Variants in SPTBN4 observed in about 807,000 individuals in gnomAD.
SPTBN4 encodes spectrin beta chain, non-erythrocytic 4.
Under a neutral mutation model 277.8 loss-of-function variants are expected in SPTBN4, and 96 were observed. The observed-to-expected ratio is 0.35, with a 90% CI of 0.29 to 0.41. The LOEUF (loss-of-function observed/expected upper bound fraction) is 0.41. Among genes scored for constraint, SPTBN4 ranks in the 10% least tolerant of loss-of-function variants. The pLI is 1.00. For synonymous variants in SPTBN4, 1,481 were observed against 1,580.3 expected (o/e 0.94, Z 1.49); for missense variants, 3,006 against 3,595.7 (o/e 0.84, Z 4.19).
Position 40,556,020 on chromosome 19 carries a change from G to C in SPTBN4, c.5085-64G>C, listed in dbSNP as rs556273355. The C allele has an allele frequency of 1.3e-4, 183 of 1,455,736 alleles. No individual in the cohort carries two copies. In the African/African-American group the frequency reaches 2.0e-3, roughly 16 times the overall value. The allele number at this position is 1,455,736 out of a possible 1,614,324, so 90.2% of individuals were successfully genotyped here. A position where few individuals can be genotyped will look rare whatever the true frequency, so the allele number is the denominator to read the frequency against. ...GCCCTGTCCTGGGGAGGGGGTTTAG[G>C]GGGGTCACGCTCTGCCCCAGAAGTC... On this transcript the variant is annotated intron_variant, in intron 24 of 35. Transcript: ENST00000598249.
chr19:40,569,678 T>G lies in SPTBN4; in HGVS notation c.6978T>G (p.Ile2326Met). ...LVKGKATLAD[I>M]VEQLQEKEAG... ...CCAGGAAGGCCACCCTGGCTGACAT[T>G]GTGGAACAGCTGCAGGAGAAAGAGG... The change falls in exon 32 of 36, where the codon ATT becomes ATG. Residue 2326 changes from isoleucine (I) to methionine (M), a missense_variant. By Grantham distance (10) the Ile-to-Met change is conservative (BLOSUM62 1). This residue lies in a region of SPTBN4 where 630 missense variants were observed against 677.6 expected (regional missense o/e 0.93). Transcript: ENST00000598249. The G allele has an allele frequency of 6.2e-7, 1 of 1,612,770 alleles. No homozygotes were observed. The highest frequency in any genetic ancestry group is 8.5e-7 in the Non-Finnish European group (1 of 1,179,510).
intron 27 of SPTBN4, among the ~76,000 whole-genome samples, chr19:40,563,221 T>A (rs544607550): frequency 8.9e-4 from 131 of 147,434 alleles, no homozygotes; most frequent in Middle Eastern, 3.5e-3. Context: ...TAAAAAAAAA[T>A]TTTTTTTTTT....
At chr19:40,522,531 G>A (rs568097703) in intron 16 of SPTBN4, among the ~76,000 whole-genome samples, 1 of 147,414 alleles carries the variant, frequency 6.8e-6, no homozygotes, top group Admixed American at 6.9e-5. Context: ...ATTTGTATTT[G>A]TAGTAGAGAT....
chr19:40,467,315 TA>T lies in SPTBN4; in HGVS notation c.-16+11del, dbSNP rs1278024330. ...GCGGCCGCGGGCCCAGGTGAGCTGCTAGGGGGGCCGACAGCCCCTCCCCCAA... is the reference window on the plus strand; with the variant it reads ...GCGGCCGCGGGCCCAGGTGAGCTGCTGGGGGGCCGACAGCCCCTCCCCCAA... On this transcript the variant is annotated intron_variant, in intron 1 of 35. Coordinates refer to ENST00000598249, the MANE Select transcript of SPTBN4 (RefSeq NM_020971.3). 6.6e-6 allele frequency: 1 copy of T among 152,102 alleles called. No homozygotes were observed. Among genetic ancestry groups the T allele is most frequent in the Non-Finnish European group, 1.5e-5 (1 of 67,972 alleles). 9.4% of individuals were successfully genotyped at this position (152,102 alleles called of 1,614,324 possible).
chr19:40,500,460 A>G (rs2080251593), intron 7 of SPTBN4, among the ~76,000 whole-genome samples: 5 of 152,338 alleles, frequency 3.3e-5, no homozygotes, highest in Admixed American at 3.3e-4. Flanking sequence ...TTTGCAAGCT[A>G]ACTAAATTTT....
At chr19:40,478,295 GGGAAATGTAGAAATCCCCTTTAA>G (rs1398351205) in intron 2 of SPTBN4, among the ~76,000 whole-genome samples, 5 of 151,918 alleles carry the variant, frequency 3.3e-5, no homozygotes, top group Admixed American at 2.6e-4. Flanking sequence ...ATCTTGCCCA[GGGAAATGTAGAAATCCCCTTTAA>G]GATAAAAAAA....
intron 2 of SPTBN4, among the ~76,000 whole-genome samples, chr19:40,481,561 C>T (rs1467372078): frequency 3.9e-5 from 6 of 152,110 alleles, no homozygotes; most frequent in African/African-American, 1.4e-4. Flanking sequence ...CTGCAACCCC[C>T]GCCTCCTGAG....
Position 40,554,180 on chromosome 19 carries a change from C to A in SPTBN4, c.4708C>A (p.Arg1570Ser), listed in dbSNP as rs2080949448. ...GCGGGAGATCCAGGCGCATGGGCCG[C>A]GCCTGGAGGAGGTGCTGGAGCGCGC... ...LRREIQAHGP[R>S]LEEVLERAGA... is the part of the protein sequence containing the mutation. Residue 1570 changes from arginine to serine, a missense_variant, in exon 23 of 36, where the codon CGC becomes AGC. Arg to Ser is a moderately radical substitution (Grantham distance 110). Coordinates refer to ENST00000598249, the MANE Select transcript of SPTBN4 (RefSeq NM_020971.3). The surrounding 1 kb of genome is among the most constrained non-coding windows in gnomAD (Gnocchi z 5.7). 1 of 1,456,094 alleles carries A rather than the reference C, an allele frequency of 6.9e-7. No individual in the cohort carries two copies. Among genetic ancestry groups the A allele is most frequent in the Non-Finnish European group, 8.9e-7 (1 of 1,118,978 alleles). 90.2% of individuals were successfully genotyped at this position (1,456,094 alleles called of 1,614,324 possible).
intron 2 of SPTBN4, 58 bp downstream of exon 2, chr19:40,472,848 G>T: frequency 6.9e-7 from 1 of 1,441,992 alleles, no homozygotes; most frequent in Non-Finnish European, 9.3e-7. Context: ...AAGGGTGCCC[G>T]AGAACCTTGG....
chr19:40,507,958 T>C (rs2080348674), intron 13 of SPTBN4, among the ~76,000 whole-genome samples: 1 of 152,238 alleles, frequency 6.6e-6, no homozygotes. Flanking sequence ...GCCCCAGGTA[T>C]ACAGCCTAAC....
At position 40,490,014 on chromosome 19, in the gene SPTBN4, C is replaced by T; in HGVS notation, c.322-61C>T. The stretch of plus-strand genomic sequence containing the variant: ...CGGGCTTCTTTGGAAGCTGCGGGGC[C>T]GAGGGCGCCATACTCCTGTCTGTCC... On this transcript the variant is annotated intron_variant, in intron 3 of 35. Transcript: ENST00000598249. This position sits in a 1 kb window ranked among gnomAD's most constrained non-coding sequence, Gnocchi z 4.3. 1 of 1,478,632 alleles carries T rather than the reference C, an allele frequency of 6.8e-7. No individual in the cohort carries two copies. Among genetic ancestry groups the T allele is most frequent in the Non-Finnish European group, 9.0e-7 (1 of 1,111,884 alleles). The allele number at this position is 1,478,632 out of a possible 1,614,324, so 91.6% of individuals were successfully genotyped here. A position where few individuals can be genotyped will look rare whatever the true frequency, so the allele number is the denominator to read the frequency against.
At chr19:40,485,219 G>A (rs562866027) in intron 2 of SPTBN4, among the ~76,000 whole-genome samples, 12 of 151,900 alleles carry the variant, frequency 7.9e-5, no homozygotes, top group Non-Finnish European at 1.3e-4. Context: ...GCACGATCTC[G>A]GCTCACTGCA....
Position 40,520,030 on chromosome 19 carries a change from AACT to A in SPTBN4, c.3534_3536del (p.Glu1178_Leu1179delinsAsp), listed in dbSNP as rs770278869. The A allele has an allele frequency of 2.0e-5, 31 of 1,565,100 alleles. No homozygotes were observed. The highest frequency in any genetic ancestry group is 2.5e-5 in the Non-Finnish European group (29 of 1,158,840). The stretch of plus-strand genomic sequence containing the variant: ...CTAGACGAGTGGCTGCCACACCTCG[AACT>A]TGGCTGGCATAAACTGCTCGGCTTG... On this transcript the variant is annotated inframe_deletion, in exon 16 of 36. Transcript: ENST00000598249.
chr19:40,497,313 C>T (rs1218199062), intron 6 of SPTBN4, 176 bp from the exon 7 acceptor site: 1 of 599,916 alleles, frequency 1.7e-6, no homozygotes. Flanking sequence ...ATGCCCGCGT[C>T]CATCACACTC....
chr19:40,574,334 C>T (rs1347081535), intron 35 of SPTBN4, among the ~76,000 whole-genome samples: 2 of 151,140 alleles, frequency 1.3e-5, no homozygotes, highest in East Asian at 3.9e-4. Flanking sequence ...TTATCTCATT[C>T]AATCTTCACA....
At chr19:40,473,416 G>T (rs12971704) in intron 2 of SPTBN4, among the ~76,000 whole-genome samples, 21 of 140,530 alleles carry the variant, frequency 1.5e-4, no homozygotes, top group Non-Finnish European at 2.7e-4. Context: ...GGAGTGCAGT[G>T]GCGCGATCTC....
intron 5 of SPTBN4, 94 bp downstream of exon 5, chr19:40,493,148 T>C (rs936605656): frequency 8.5e-7 from 1 of 1,173,706 alleles, no homozygotes; most frequent in African/African-American, 1.5e-5. Flanking sequence ...GGGCAGCCCA[T>C]GTCCTCAGGG....
At chr19:40,540,297 G>A (rs1450505123) in intron 20 of SPTBN4, among the ~76,000 whole-genome samples, 1 of 152,106 alleles carries the variant, frequency 6.6e-6, no homozygotes, top group Non-Finnish European at 1.5e-5. Context: ...AAAGCTAGTT[G>A]TTTCACCTTC....
At chr19:40,482,455 A>C (rs2145815148) in intron 2 of SPTBN4, among the ~76,000 whole-genome samples, 1 of 152,240 alleles carries the variant, frequency 6.6e-6, no homozygotes, top group East Asian at 1.9e-4. Flanking sequence ...GACGGGCTGC[A>C]TACACTGAGA....
Sources: gnomAD v4.1 joint callset for allele counts (sites outside exome capture counted in the v4.1 genomes callset) on GRCh38, gnomAD v4.1.1 for gene constraint, gnomAD v4.1.1 regional missense constraint, Gnocchi (gnomAD v3.1) non-coding constraint, MANE v1.5 for transcripts, NCBI Gene and HGNC (gene_info 2026-07-23, HGNC 2026-07-21) for gene names.